Variants in MUC4 observed in about 807,000 individuals in gnomAD.
MUC4 encodes the protein mucin 4, cell surface associated.
MUC4 carries 202 observed loss-of-function variants against 257.9 expected under a neutral mutation model. The ratio of observed to expected loss-of-function variants is 0.78; its 90% confidence interval spans 0.70 to 0.88. The LOEUF is 0.88. Ranked by LOEUF, MUC4 falls within the 40% of genes least tolerant of loss-of-function variation. The probability of loss-of-function intolerance (pLI) is 0.00; values close to 1 mark genes in which losing one functional copy is unlikely to be tolerated. For missense variants in MUC4, 5,976 were observed against 6,513.7 expected, an observed-to-expected ratio of 0.92 and a Z score of 2.84; for synonymous variants, 2,351 against 2,757.1, an observed-to-expected ratio of 0.85 and a Z score of 4.62.
chr3:195,762,830 G>C, intron 13 of MUC4, 25 bp downstream of exon 13: 1 of 1,499,138 alleles, frequency 6.7e-7, no homozygotes, highest in Non-Finnish European at 9.0e-7. Context: ...TGCGGGGAGG[G>C]GGCGGCCGGC....
At chr3:195,759,547 G>T (rs1212560852) in intron 16 of MUC4, among the ~76,000 whole-genome samples, 1 of 152,146 alleles carries the variant, frequency 6.6e-6, no homozygotes, top group Admixed American at 6.5e-5. Flanking sequence ...ATGACAAAAA[G>T]TGAATTAGAG....
At position 195,791,269 on chromosome 3, in the gene MUC4, G is replaced by T; in HGVS notation, c.311C>A (p.Ser104Tyr). The change falls in exon 2 of 25, where the codon TCC (serine) becomes TAC (tyrosine). Residue 104 changes from serine to tyrosine, a missense_variant. Ser to Tyr is a moderately radical substitution (Grantham distance 144, BLOSUM62 -2). Coordinates refer to ENST00000463781, the MANE Select transcript of MUC4 (RefSeq NM_018406.7). ...CTCCATCACATTGTGTACACTTGGGGAAGAAAAAAGAGTTGATGTCATCAT... is the reference window on the plus strand; with the variant it reads ...CTCCATCACATTGTGTACACTTGGGTAAGAAAAAAGAGTTGATGTCATCAT... ...TQMMTSTLFSSPSVHNVMETA... is the reference protein window; with the variant it reads ...TQMMTSTLFSYPSVHNVMETA... The T allele has an allele frequency of 9.8e-7, 1 of 1,023,842 alleles. No individual in the cohort carries two copies. Among genetic ancestry groups the T allele is most frequent in the Non-Finnish European group, 1.4e-6 (1 of 731,370 alleles). 63.4% of individuals were successfully genotyped at this position (1,023,842 alleles called of 1,614,324 possible).
chr3:195,761,404 C>A, intron 15 of MUC4, 80 bp downstream of exon 15: 1 of 1,265,560 alleles, frequency 7.9e-7, no homozygotes, highest in Middle Eastern at 1.9e-4. Context: ...GGTCTGCTTC[C>A]TACAGGGCCG....
At chr3:195,769,296 A>C in intron 6 of MUC4, 144 bp from the exon 7 acceptor site, 1 of 1,265,292 alleles carries the variant, frequency 7.9e-7, no homozygotes, top group Non-Finnish European at 1.1e-6. Context: ...CATGGGCCCA[A>C]AATGCTGGCA....
chr3:195,761,355 TG>T (rs977639375), intron 15 of MUC4, 128 bp downstream of exon 15: 3 of 864,644 alleles, frequency 3.5e-6, no homozygotes, highest in Admixed American at 2.2e-5. Context: ...GGGACAGCCC[TG>T]GGGGGGCACA....
chr3:195,795,484 A>G (rs762593294), intron 1 of MUC4, among the ~76,000 whole-genome samples: 3 of 152,206 alleles, frequency 2.0e-5, no homozygotes, highest in Non-Finnish European at 4.4e-5. Context: ...AATGTAATAA[A>G]TGTTTTCTAA....
At chr3:195,769,276 A>G in intron 6 of MUC4, 124 bp from the exon 7 acceptor site, 6 of 1,391,872 alleles carry the variant, frequency 4.3e-6, no homozygotes, top group Non-Finnish European at 5.8e-6. Flanking sequence ...TGGTCTGCCC[A>G]CAGCAAAGAC....
At position 195,789,866 on chromosome 3, in the gene MUC4, C is replaced by T. The variant is rs769672307; in HGVS notation, c.1714G>A (p.Gly572Arg). 10 of 1,613,812 alleles carry T rather than the reference C, an allele frequency of 6.2e-6. No individual in the cohort carries two copies. The Admixed American group carries it at 1.2e-4, about 19-fold the overall frequency. The change falls in exon 2 of 25, where the codon GGG (glycine) becomes AGG (arginine). Residue 572 changes from glycine (G) to arginine (R), a missense_variant. Physicochemically the swap from Gly to Arg is moderately radical, Grantham distance 125. This residue lies in a region of MUC4 where 1,583 missense variants were observed against 1,257.4 expected (regional missense o/e 1.26). Transcript: ENST00000463781. The stretch of plus-strand genomic sequence containing the variant: ...CTGAGAAGAGCCTCTCCAGTGGTCC[C>T]CGTTTCTTGTGTCCATTGTGTCTGG... ...GAQTQWTQET[G>R]TTGEALLSSP...
intron 5 of MUC4, 88 bp downstream of exon 5, chr3:195,771,564 A>G: frequency 6.8e-7 from 1 of 1,462,416 alleles, no homozygotes; most frequent in Admixed American, 2.1e-5. Flanking sequence ...CTGTCACAGC[A>G]GCAACTCTGG....
At chr3:195,776,055 C>T (rs1277942979) in intron 3 of MUC4, among the ~76,000 whole-genome samples, 1 of 34,076 alleles carries the variant, frequency 2.9e-5, no homozygotes, top group Non-Finnish European at 5.3e-5. Flanking sequence ...ACTTCCACAC[C>T]CATACCTTCC....
chr3:195,771,076 C>CGCGGCCGG (rs1722745772), intron 5 of MUC4, among the ~76,000 whole-genome samples: 15 of 139,692 alleles, frequency 1.1e-4, no homozygotes, highest in Non-Finnish European at 1.4e-4. Flanking sequence ...TGGTCAGTCT[C>CGCGGCCGG]GTGGCCGGGT....
rs57614388 is a variant in MUC4 at position 195,786,884 on chromosome 3, T to C, written c.4696A>G (p.Thr1566Ala). 1,960 of 1,457,766 alleles carry C rather than the reference T, an allele frequency of 1.3e-3. 11 individuals carry two copies. The African/African-American group carries it at 0.032, about 24-fold the overall frequency. 90.3% of individuals were successfully genotyped at this position (1,457,766 alleles called of 1,614,324 possible). The change falls in exon 2 of 25, where the codon ACC (threonine) becomes GCC (alanine). Residue 1566 changes from threonine to alanine, a missense_variant. By Grantham distance (58) the Thr-to-Ala change is moderately conservative (BLOSUM62 0). This residue lies in a region of MUC4 where 63 missense variants were observed against 68.8 expected (regional missense o/e 0.92). Transcript: ENST00000463781. The part of the protein sequence containing the change: ...TDASSVSTGH[T>A]TPLPVTSPSS... The stretch of plus-strand genomic sequence containing the variant: ...GGGCTGGTGACAGGAAGAGGGGTGG[T>C]GTGACCTGTGGATACTGAGGAAGCG...
chr3:195,798,814 A>T (rs1734912053), intron 1 of MUC4, among the ~76,000 whole-genome samples: 1 of 152,200 alleles, frequency 6.6e-6, no homozygotes, highest in Non-Finnish European at 1.5e-5. Flanking sequence ...TTTCTTCAAG[A>T]TACTAGCTTC....
At position 195,787,563 on chromosome 3, in the gene MUC4, T is replaced by G. The variant is rs1205013950; in HGVS notation, c.4017A>C (p.Thr1339=). The stretch of plus-strand genomic sequence containing the variant: ...TGACAGGAAGAGGGGTGGTGTCACC[T>G]GTGGATGCTGAGGAAGGGCTAGTGA... ...LPVTSPSSAS[T]GDTTPLPVTD... Residue 1339 remains threonine (T), a synonymous_variant, in exon 2 of 25, where the codon ACA becomes ACC. Coordinates refer to ENST00000463781, the MANE Select transcript of MUC4 (RefSeq NM_018406.7). The G allele has an allele frequency of 1.4e-6, 1 of 709,540 alleles. No individual in the cohort carries two copies. The allele number at this position is 709,540 out of a possible 1,614,324, so 44.0% of individuals were successfully genotyped here.
chr3:195,751,036 C>T lies in MUC4; in HGVS notation c.15724G>A (p.Gly5242Ser). The T allele has an allele frequency of 6.2e-7, 1 of 1,613,866 alleles. No homozygotes were observed. Among genetic ancestry groups the T allele is most frequent in the Non-Finnish European group, 8.5e-7 (1 of 1,179,982 alleles). ...VISEFQYRPRGPVIDFLNNQL... is the reference protein window; with the variant it reads ...VISEFQYRPRSPVIDFLNNQL... ...TTGTTCAGGAAGTCAATGACCGGGCCCCGAGGGCGGTACTGGAACTCCGAG... is the reference window on the plus strand; with the variant it reads ...TTGTTCAGGAAGTCAATGACCGGGCTCCGAGGGCGGTACTGGAACTCCGAG... Residue 5242 changes from glycine (G) to serine (S), a missense_variant, in exon 23 of 25, where the codon GGC becomes AGC. By Grantham distance (56) the Gly-to-Ser change is moderately conservative. Around this residue, in one of 44 missense-constraint regions of MUC4, gnomAD observed 310 missense variants for 242.1 expected, o/e 1.28. Transcript: ENST00000463781.
Position 195,784,649 on chromosome 3 carries a change from A to C in MUC4, c.6931T>G (p.Ser2311Ala). Reference sequence around the variant, plus strand: ...GTGGCGTGACCTGTGGATGCTGAGGAAGCGTCGGTGACATGAAGAGGGGTG... The same window carrying C: ...GTGGCGTGACCTGTGGATGCTGAGGCAGCGTCGGTGACATGAAGAGGGGTG... ...HATPLHVTDA[S>A]SASTGHATPL... Residue 2311 changes from serine (S) to alanine (A), a missense_variant, in exon 2 of 25, where the codon TCC (serine) becomes GCC (alanine). Physicochemically the swap from Ser to Ala is moderately conservative, Grantham distance 99. Transcript: ENST00000463781. 7.3e-7 allele frequency: 1 copy of C among 1,377,688 alleles called. No homozygotes were observed. Among genetic ancestry groups the C allele is most frequent in the South Asian group, 1.3e-5 (1 of 78,268 alleles). The allele number at this position is 1,377,688 out of a possible 1,614,324, so 85.3% of individuals were successfully genotyped here.
intron 7 of MUC4, among the ~76,000 whole-genome samples, chr3:195,767,915 G>GCCACCACCATCACCACCA (rs71180959): frequency 0.033 from 3,599 of 110,500 alleles, 390 homozygotes; most frequent in African/African-American, 0.13. Flanking sequence ...CATCACCATC[G>GCCACCACCATCACCACCA]CCACTGCCAC....
intron 13 of MUC4, 141 bp from the exon 14 acceptor site, chr3:195,762,395 A>T (rs1158559564): frequency 1.1e-6 from 1 of 950,488 alleles, no homozygotes; most frequent in Non-Finnish European, 1.5e-6. Flanking sequence ...GGCGGAGAAG[A>T]GGCCGGCGAG....
chr3:195,778,411 C>CG lies in MUC4; in HGVS notation c.12834_12835insC (p.Ala4279ArgfsTer35). The CG allele has an allele frequency of 6.2e-7, 1 of 1,612,954 alleles. No homozygotes were observed. Among genetic ancestry groups the CG allele is most frequent in the South Asian group, 1.1e-5 (1 of 91,044 alleles). On this transcript the variant is annotated frameshift_variant, in exon 3 of 25. Coordinates refer to ENST00000463781, the MANE Select transcript of MUC4 (RefSeq NM_018406.7). LOFTEE classifies it high-confidence loss of function. ...GAGGTTGTGGGGGGTGGTGATGTGGCTGTGCGTCTCCCACCGTCTGTCTTC... is the reference window on the plus strand; with the variant it reads ...GAGGTTGTGGGGGGTGGTGATGTGGCGTGTGCGTCTCCCACCGTCTGTCTTC...
Sources: gnomAD v4.1 joint callset for allele counts (sites outside exome capture counted in the v4.1 genomes callset) on GRCh38, gnomAD v4.1.1 for gene constraint, gnomAD v4.1.1 regional missense constraint, MANE v1.5 for transcripts, NCBI Gene and HGNC (gene_info 2026-07-23, HGNC 2026-07-21) for gene names.